The following SOX5 variants were observed in gnomAD, a reference collection of about 807,000 sequenced individuals.
The protein encoded by SOX5 is SRY-box transcription factor 5, also known as transcription factor SOX-5.
Under a neutral mutation model 92.0 loss-of-function variants are expected in SOX5, and 9 were observed. That is an observed-to-expected ratio of 0.10 (90% CI 0.06 to 0.17). SOX5 has a LOEUF of 0.17. Ranked by LOEUF, SOX5 falls within the 10% of genes least tolerant of loss-of-function variation. SOX5 has a pLI of 1.00. For missense variants in SOX5, 642 were observed against 944.5 expected, an observed-to-expected ratio of 0.68 and a Z score of 4.20; for synonymous variants, 344 against 336.3, an observed-to-expected ratio of 1.02 and a Z score of -0.25.
At chr12:24,375,121 C>A (rs1246591090) in intron 1 of SOX5, among the ~76,000 whole-genome samples, 1 of 151,920 alleles carries the variant, frequency 6.6e-6, no homozygotes. Context: ...TACAGGCGCC[C>A]GCCACTACGC....
At chr12:23,838,064 ATATAT>A (rs1375072926) in intron 3 of SOX5, among the ~76,000 whole-genome samples, 218 of 85,400 alleles carry the variant, frequency 2.6e-3, no homozygotes, top group African/African-American at 7.5e-3. Flanking sequence ...TTATACTTAT[ATATAT>A]TATATTTATA....
chr12:24,051,184 G>T (rs984622583), intron 4 of SOX5, among the ~76,000 whole-genome samples: 4 of 152,102 alleles, frequency 2.6e-5, no homozygotes, highest in Non-Finnish European at 1.5e-5. Flanking sequence ...CAAGGCACAG[G>T]TTGATTTTTT....
At chr12:24,217,531 C>T (rs905686799) in intron 3 of SOX5, among the ~76,000 whole-genome samples, 8 of 152,114 alleles carry the variant, frequency 5.3e-5, no homozygotes, top group African/African-American at 1.9e-4. Context: ...AGAAACTAAA[C>T]TATAAAAGTC....
At chr12:23,730,583 T>C (rs1477870674) in intron 6 of SOX5, among the ~76,000 whole-genome samples, 1 of 152,224 alleles carries the variant, frequency 6.6e-6, no homozygotes, top group Non-Finnish European at 1.5e-5. Flanking sequence ...ACTGTAACCC[T>C]ACAAAGTCTT....
At chr12:23,858,188 A>G (rs2096716599) in intron 2 of SOX5, among the ~76,000 whole-genome samples, 1 of 152,072 alleles carries the variant, frequency 6.6e-6, no homozygotes, top group Non-Finnish European at 1.5e-5. Context: ...AAAAAATAAT[A>G]ATAATAAATC....
intron 1 of SOX5, chr12:23,944,392 C>T (rs1008084474): frequency 6.6e-6 from 1 of 152,066 alleles, no homozygotes; most frequent in Non-Finnish European, 1.5e-5. Context: ...ACAAGCAAAA[C>T]CATACGCCAC....
intron 1 of SOX5, among the ~76,000 whole-genome samples, chr12:24,377,186 A>G (rs1957369682): frequency 1.3e-5 from 2 of 152,188 alleles, no homozygotes; most frequent in South Asian, 2.1e-4. Context: ...ATATGGCTCC[A>G]CAATCAAAAG....
intron 8 of SOX5, among the ~76,000 whole-genome samples, chr12:23,633,656 C>G (rs879329250): frequency 4.6e-5 from 7 of 151,954 alleles, no homozygotes; most frequent in Non-Finnish European, 8.8e-5. Flanking sequence ...AAGGTAAACT[C>G]AGTGTATGGA....
At chr12:24,329,826 C>A (rs1317780310) in intron 2 of SOX5, among the ~76,000 whole-genome samples, 1 of 152,092 alleles carries the variant, frequency 6.6e-6, no homozygotes, top group East Asian at 1.9e-4. Flanking sequence ...AGTTTGAGAC[C>A]AGCCTGGCCA....
At chr12:24,189,300 C>T (rs892402842) in intron 4 of SOX5, among the ~76,000 whole-genome samples, 1 of 152,184 alleles carries the variant, frequency 6.6e-6, no homozygotes, top group Admixed American at 6.5e-5. Flanking sequence ...AATAAATCCT[C>T]ATTCATCCTT....
At chr12:24,190,623 T>C (rs1956428765) in intron 4 of SOX5, among the ~76,000 whole-genome samples, 1 of 152,222 alleles carries the variant, frequency 6.6e-6, no homozygotes, top group Non-Finnish European at 1.5e-5. Context: ...TCTCCGTGAT[T>C]CGGATCATAT....
intron 2 of SOX5, among the ~76,000 whole-genome samples, chr12:24,356,796 C>T (rs1264717631): frequency 6.6e-6 from 1 of 152,176 alleles, no homozygotes; most frequent in Non-Finnish European, 1.5e-5. Context: ...AAAAAAACCT[C>T]TGAATGTAAT....
At chr12:24,247,312 G>T (rs370801644) in intron 3 of SOX5, among the ~76,000 whole-genome samples, 3 of 152,300 alleles carry the variant, frequency 2.0e-5, no homozygotes, top group East Asian at 3.9e-4. Context: ...GAACACAGTA[G>T]GAGGTTGGAT....
At chr12:23,614,708 T>C (rs996905873) in intron 8 of SOX5, among the ~76,000 whole-genome samples, 6 of 152,248 alleles carry the variant, frequency 3.9e-5, no homozygotes, top group African/African-American at 1.4e-4. Flanking sequence ...GGTATCTTCA[T>C]GTTTACCTTC....
intron 4 of SOX5, among the ~76,000 whole-genome samples, chr12:23,754,217 G>GA (rs1246281275): frequency 6.6e-6 from 1 of 151,242 alleles, no homozygotes; most frequent in Non-Finnish European, 1.5e-5. Flanking sequence ...CGAGGGAGGG[G>GA]AAAAAACGTT....
chr12:23,803,374 C>A (rs996026520), intron 3 of SOX5, among the ~76,000 whole-genome samples: 1 of 152,162 alleles, frequency 6.6e-6, no homozygotes, highest in East Asian at 1.9e-4. Context: ...CATTTTGCAT[C>A]TTTAACTTCT....
intron 6 of SOX5, among the ~76,000 whole-genome samples, chr12:23,727,827 G>A (rs1593736525): frequency 6.6e-6 from 1 of 152,108 alleles, no homozygotes; most frequent in African/African-American, 2.4e-5. Flanking sequence ...GTAAAGTATA[G>A]AGAACTGAGC....
chr12:23,831,066 A>G, intron 3 of SOX5, among the ~76,000 whole-genome samples: 1 of 152,138 alleles, frequency 6.6e-6, no homozygotes, highest in South Asian at 2.1e-4. Flanking sequence ...CCATAAAATA[A>G]GTCTTAAAAC....
intron 10 of SOX5, among the ~76,000 whole-genome samples, chr12:23,566,266 T>A (rs1008626021): frequency 6.6e-6 from 1 of 152,206 alleles, no homozygotes; most frequent in Non-Finnish European, 1.5e-5. Flanking sequence ...TTTCCAACAC[T>A]GTTTCTCTTT....
Sources: gnomAD v4.1 joint callset for allele counts (sites outside exome capture counted in the v4.1 genomes callset) on GRCh38, gnomAD v4.1.1 for gene constraint, MANE v1.5 for transcripts, NCBI Gene and HGNC (gene_info 2026-07-23, HGNC 2026-07-21) for gene names.